The following CSGALNACT1 variants were observed in gnomAD, a reference collection of about 807,000 sequenced individuals.
CSGALNACT1 encodes the protein chondroitin sulfate N-acetylgalactosaminyltransferase 1.
In CSGALNACT1, 52 loss-of-function variants were observed where a neutral mutation model predicts 51.0. That is an observed-to-expected ratio of 1.02 (90% CI 0.82 to 1.29). The LOEUF (loss-of-function observed/expected upper bound fraction) is 1.29, where lower values mean the gene tolerates loss of function less well. Ranked by LOEUF, CSGALNACT1 falls within the 50% of genes most tolerant of loss-of-function variation. The probability of loss-of-function intolerance (pLI) is 0.00; values close to 1 mark genes in which losing one functional copy is unlikely to be tolerated. For missense variants in CSGALNACT1, 935 were observed against 679.2 expected, an observed-to-expected ratio of 1.38 and a Z score of -4.19; for synonymous variants, 341 against 254.4, an observed-to-expected ratio of 1.34 and a Z score of -3.24.
At chr8:19,489,343 A>G (rs1182359445) in intron 4 of CSGALNACT1, among the ~76,000 whole-genome samples, 1 of 152,194 alleles carries the variant, frequency 6.6e-6, no homozygotes, top group Non-Finnish European at 1.5e-5. Flanking sequence ...GATTATTGTC[A>G]TATTGTTAGA....
chr8:19,530,827 G>A (rs986824421), intron 3 of CSGALNACT1, among the ~76,000 whole-genome samples: 1 of 152,110 alleles, frequency 6.6e-6, no homozygotes, highest in African/African-American at 2.4e-5. Context: ...GGACTGGTGA[G>A]GAAAAAAGAG....
rs776760417 is a variant in CSGALNACT1 at position 19,405,100 on chromosome 8, G to A, written c.*680C>T. ...CAACTTGTGCTCTCTTGTAAGGCTT[G>A]CAAAGTGGTAATTAAATAAGCAGAC... On this transcript the variant is annotated 3_prime_UTR_variant, in exon 10 of 10. Transcript: ENST00000454498. 2.6e-5 allele frequency: 12 copies of A among 453,430 alleles called. 1 individual carries two copies. The highest frequency in any genetic ancestry group is 1.2e-4 in the South Asian group (8 of 64,242). 28.1% of individuals were successfully genotyped at this position (453,430 alleles called of 1,614,324 possible). A position where few individuals can be genotyped will look rare whatever the true frequency, so the allele number is the denominator to read the frequency against.
At chr8:19,464,933 C>T (rs144879716) in intron 4 of CSGALNACT1, among the ~76,000 whole-genome samples, 1 of 152,284 alleles carries the variant, frequency 6.6e-6, no homozygotes, top group African/African-American at 2.4e-5. Context: ...CAGTTTGGTA[C>T]TTCCTCACAA....
At chr8:19,405,893 A>G in exon 10 of CSGALNACT1, 1 of 1,613,722 alleles carries the variant, frequency 6.2e-7, no homozygotes. Context: ...ATGGCCTTGG[A>G]CTGCATGCAC....
chr8:19,469,892 C>G (rs945100883), intron 4 of CSGALNACT1, among the ~76,000 whole-genome samples: 2 of 152,100 alleles, frequency 1.3e-5, no homozygotes, highest in African/African-American at 4.8e-5. Context: ...GTGTCTGCAA[C>G]CCTAATGAAT....
intron 4 of CSGALNACT1, among the ~76,000 whole-genome samples, chr8:19,497,077 G>A (rs2075619293): frequency 6.6e-6 from 1 of 152,144 alleles, no homozygotes; most frequent in Non-Finnish European, 1.5e-5. Flanking sequence ...ACTAAGTGCA[G>A]CTGAGGAAGG....
intron 8 of CSGALNACT1, among the ~76,000 whole-genome samples, chr8:19,413,385 A>G (rs898495731): frequency 6.6e-6 from 1 of 152,120 alleles, no homozygotes; most frequent in Non-Finnish European, 1.5e-5. Flanking sequence ...TCTGGCCCTC[A>G]ATTCCTCATC....
At chr8:19,561,528 G>GA (rs34466264) in intron 3 of CSGALNACT1, among the ~76,000 whole-genome samples, 19,688 of 152,180 alleles carry the variant, frequency 0.13, 1,704 homozygotes, top group African/African-American at 0.24. Flanking sequence ...CAGATCCTGT[G>GA]AAAAAATTCA....
At chr8:19,722,451 A>G (rs936195348) in intron 1 of CSGALNACT1, among the ~76,000 whole-genome samples, 1 of 152,218 alleles carries the variant, frequency 6.6e-6, no homozygotes, top group Non-Finnish European at 1.5e-5. Context: ...TCCAGATACA[A>G]AAACAGAGGC....
chr8:19,722,641 G>A (rs2063187673), intron 1 of CSGALNACT1, among the ~76,000 whole-genome samples: 2 of 152,190 alleles, frequency 1.3e-5, no homozygotes, highest in African/African-American at 4.8e-5. Context: ...TGGCCACTCT[G>A]CAGGGGACCT....
At chr8:19,752,058 A>G (rs1300159850) in intron 1 of CSGALNACT1, among the ~76,000 whole-genome samples, 1 of 112,358 alleles carries the variant, frequency 8.9e-6, no homozygotes. Flanking sequence ...ATATATAACA[A>G]TATATTTTTA....
At chr8:19,450,182 AAGAGGG>A (rs1437260385) in intron 5 of CSGALNACT1, among the ~76,000 whole-genome samples, 1 of 53,516 alleles carries the variant, frequency 1.9e-5, no homozygotes, top group Non-Finnish European at 3.6e-5. Context: ...GAGAGTGAGG[AAGAGGG>A]AGAGGGGGAG....
intron 1 of CSGALNACT1, among the ~76,000 whole-genome samples, chr8:19,624,987 T>C (rs1462009519): frequency 2.6e-5 from 4 of 152,214 alleles, no homozygotes; most frequent in Admixed American, 6.5e-5. Context: ...GGTTTCACCA[T>C]CTTCTTGCTT....
intron 3 of CSGALNACT1, among the ~76,000 whole-genome samples, chr8:19,569,649 T>C (rs1237315152): frequency 1.3e-5 from 2 of 152,194 alleles, no homozygotes; most frequent in African/African-American, 2.4e-5. Flanking sequence ...AGAGTCGAAA[T>C]TGATATAACC....
chr8:19,717,883 G>A (rs1209006947), intron 1 of CSGALNACT1, among the ~76,000 whole-genome samples: 3 of 152,128 alleles, frequency 2.0e-5, no homozygotes, highest in East Asian at 1.9e-4. Context: ...ACTAGTCTGC[G>A]GCATTGCTAA....
chr8:19,654,499 T>A (rs891777595), intron 1 of CSGALNACT1, among the ~76,000 whole-genome samples: 14 of 152,304 alleles, frequency 9.2e-5, no homozygotes, highest in Admixed American at 3.3e-4. Flanking sequence ...TTTCCTTGGT[T>A]TCCCCATGTT....
chr8:19,692,350 G>A (rs1255887797), intron 1 of CSGALNACT1, among the ~76,000 whole-genome samples: 1 of 152,200 alleles, frequency 6.6e-6, no homozygotes, highest in Non-Finnish European at 1.5e-5. Context: ...CACTAAAGTT[G>A]GAGAACCACT....
At chr8:19,603,824 G>T (rs2050946111), upstream of CSGALNACT1, among the ~76,000 whole-genome samples, 1 of 152,150 alleles carries the variant, frequency 6.6e-6, no homozygotes, top group South Asian at 2.1e-4. Flanking sequence ...AACCACACTT[G>T]TTTTAACAAT....
chr8:19,569,275 G>A (rs752183945), intron 3 of CSGALNACT1, among the ~76,000 whole-genome samples: 3 of 152,186 alleles, frequency 2.0e-5, no homozygotes, highest in Non-Finnish European at 4.4e-5. Flanking sequence ...ACTGGATCCT[G>A]CTGTTAAGAT....
Sources: allele counts gnomAD v4.1 joint callset (sites outside exome capture counted in the v4.1 genomes callset), GRCh38; gene constraint gnomAD v4.1.1; transcripts MANE v1.5; gene names NCBI Gene and HGNC (gene_info 2026-07-23, HGNC 2026-07-21).